Variants in EDIL3 observed in about 807,000 individuals in gnomAD.
The protein encoded by EDIL3 is EGF like and discoidin domains 3.
Under a neutral mutation model 67.4 loss-of-function variants are expected in EDIL3, and 37 were observed. The ratio of observed to expected loss-of-function variants is 0.55; its 90% CI spans 0.42 to 0.72. The LOEUF (loss-of-function observed/expected upper bound fraction) is 0.72. Among genes scored for constraint, EDIL3 ranks in the 30% least tolerant of loss-of-function variants. The probability of loss-of-function intolerance (pLI) is 0.00; values close to 1 mark genes in which losing one functional copy is unlikely to be tolerated. For missense variants in EDIL3, 527 were observed against 586.3 expected, an observed-to-expected ratio of 0.90 and a Z score of 1.04; for synonymous variants, 195 against 196.3, an observed-to-expected ratio of 0.99 and a Z score of 0.05.
At chr5:84,025,694 A>T (rs1361473794) in intron 9 of EDIL3, among the ~76,000 whole-genome samples, 2 of 152,166 alleles carry the variant, frequency 1.3e-5, no homozygotes, top group African/African-American at 4.8e-5. Context: ...GAAGTCATGC[A>T]CTTGCCAACA....
intron 1 of EDIL3, among the ~76,000 whole-genome samples, chr5:84,364,909 G>C (rs1747694522): frequency 6.6e-6 from 1 of 151,732 alleles, no homozygotes; most frequent in Non-Finnish European, 1.5e-5. Flanking sequence ...TTTTTGGTCT[G>C]TTCTTTGGGA....
chr5:84,167,590 T>A (rs1748731877), intron 4 of EDIL3, among the ~76,000 whole-genome samples: 1 of 152,196 alleles, frequency 6.6e-6, no homozygotes, highest in African/African-American at 2.4e-5. Flanking sequence ...ATAAGTATTC[T>A]GAAAACCAAT....
chr5:84,339,410 C>T (rs567285346), intron 1 of EDIL3, among the ~76,000 whole-genome samples: 4 of 152,210 alleles, frequency 2.6e-5, no homozygotes, highest in African/African-American at 9.6e-5. Context: ...ACTTTTATCT[C>T]CTTTAACCTC....
intron 5 of EDIL3, among the ~76,000 whole-genome samples, chr5:84,117,020 A>AATTTTTT (rs71605897): frequency 1.6e-4 from 13 of 83,244 alleles, no homozygotes; most frequent in African/African-American, 6.1e-4. Context: ...TTAAGTACTT[A>AATTTTTT]TTTTTTTTTT....
chr5:84,112,281 A>C (rs754440019), intron 5 of EDIL3, among the ~76,000 whole-genome samples: 1 of 152,176 alleles, frequency 6.6e-6, no homozygotes. Context: ...ACAGTTGTCC[A>C]TGTGAAAAAT....
At chr5:84,165,533 G>A (rs745677088) in intron 4 of EDIL3, among the ~76,000 whole-genome samples, 34 of 152,150 alleles carry the variant, frequency 2.2e-4, no homozygotes, top group Non-Finnish European at 4.6e-4. Context: ...TGCCTAGGCT[G>A]TGAGAATGTA....
intron 2 of EDIL3, among the ~76,000 whole-genome samples, chr5:84,245,384 A>G (rs1744888877): frequency 6.6e-6 from 1 of 152,224 alleles, no homozygotes. Flanking sequence ...GCATAAGTCC[A>G]TTAAGCTTCC....
At chr5:83,971,869 C>T (rs13170552) in intron 9 of EDIL3, among the ~76,000 whole-genome samples, 7,441 of 152,186 alleles carry the variant, frequency 0.049, 249 homozygotes, top group Non-Finnish European at 0.071. Flanking sequence ...CTCTCCTCCT[C>T]TTGCTGTTTT....
chr5:83,969,302 T>G (rs1169385489), intron 9 of EDIL3, among the ~76,000 whole-genome samples: 1 of 151,746 alleles, frequency 6.6e-6, no homozygotes, highest in Non-Finnish European at 1.5e-5. Context: ...ACAATCATAG[T>G]CCTTTCATCC....
chr5:84,350,918 C>A (rs1485618121), intron 1 of EDIL3, among the ~76,000 whole-genome samples: 2 of 151,960 alleles, frequency 1.3e-5, no homozygotes, highest in Admixed American at 6.6e-5. Context: ...AAACATTTAA[C>A]CAATATGTAA....
chr5:84,138,596 T>C (rs899656855), intron 4 of EDIL3, among the ~76,000 whole-genome samples: 1 of 152,230 alleles, frequency 6.6e-6, no homozygotes, highest in African/African-American at 2.4e-5. Context: ...AAGAAGATCA[T>C]TAAATTACTT....
intron 5 of EDIL3, among the ~76,000 whole-genome samples, chr5:84,109,873 T>C (rs1217020380): frequency 6.6e-6 from 1 of 152,292 alleles, no homozygotes; most frequent in East Asian, 1.9e-4. Flanking sequence ...TGCATTTTCC[T>C]ACTTTTTAAA....
chr5:84,286,249 C>G (rs569451999), intron 1 of EDIL3, among the ~76,000 whole-genome samples: 33 of 152,166 alleles, frequency 2.2e-4, no homozygotes, highest in African/African-American at 7.7e-4. Flanking sequence ...CCAATGTGTG[C>G]TTTAGCTTGC....
chr5:84,384,607 A>T lies in EDIL3; in HGVS notation c.-233T>A. 5.8e-6 allele frequency: 2 copies of T among 343,476 alleles called. No individual in the cohort carries two copies. Among genetic ancestry groups the T allele is most frequent in the Non-Finnish European group, 1.0e-5 (2 of 191,998 alleles). 21.3% of individuals were successfully genotyped at this position (343,476 alleles called of 1,614,324 possible). On this transcript the variant is annotated 5_prime_UTR_variant, in exon 1 of 11. Transcript: ENST00000296591. Reference sequence around the variant, plus strand: ...GCGCTCCGGCGCGCGGAGGTGGGTGAGCTCCGGGGAGCCGCCGGCGGGCTC... The same window carrying T: ...GCGCTCCGGCGCGCGGAGGTGGGTGTGCTCCGGGGAGCCGCCGGCGGGCTC...
intron 9 of EDIL3, 82 bp downstream of exon 9, chr5:84,060,218 G>A (rs73769713): frequency 9.4e-6 from 14 of 1,495,912 alleles, no homozygotes; most frequent in Middle Eastern, 2.5e-4. Context: ...TGAAGGTAAC[G>A]ACTCTGACAC....
chr5:84,134,020 C>CATTGTT (rs144796309), intron 5 of EDIL3, among the ~76,000 whole-genome samples: 8,159 of 151,860 alleles, frequency 0.054, 523 homozygotes, highest in African/African-American at 0.14. Flanking sequence ...GAAATAATTT[C>CATTGTT]ATTGTTATTG....
At chr5:84,168,702 T>C (rs1748756774) in intron 4 of EDIL3, among the ~76,000 whole-genome samples, 1 of 152,202 alleles carries the variant, frequency 6.6e-6, no homozygotes, top group Non-Finnish European at 1.5e-5. Flanking sequence ...TATACGAACA[T>C]TGTTCAACTC....
rs149201032 is a variant in EDIL3, at chr5:84,354,068, T to A, written c.67+30240A>T. Among the ~76,000 whole-genome samples the A allele has an allele frequency of 4.2e-3, 639 of 152,308 alleles. 3 individuals are homozygous for A. The highest frequency in any genetic ancestry group is 0.014 in the African/African-American group (593 of 41,568). Reference sequence around the variant, plus strand: ...AAAACAAATACTTATGTAATAAGAATCTTGTAGATAAATCACTTGCGAACC... The same window carrying A: ...AAAACAAATACTTATGTAATAAGAAACTTGTAGATAAATCACTTGCGAACC... On this transcript the variant is annotated intron_variant, in intron 1 of 10. Coordinates refer to ENST00000296591, the MANE Select transcript of EDIL3 (RefSeq NM_005711.5).
intron 1 of EDIL3, among the ~76,000 whole-genome samples, chr5:84,312,513 A>G (rs1746424919): frequency 8.5e-6 from 1 of 118,186 alleles, no homozygotes; most frequent in African/African-American, 3.3e-5. Context: ...CAGGGGGCTG[A>G]CCCCCCCACC....
Sources: gnomAD v4.1 joint callset for allele counts (sites outside exome capture counted in the v4.1 genomes callset) on GRCh38, gnomAD v4.1.1 for gene constraint, MANE v1.5 for transcripts, NCBI Gene and HGNC (gene_info 2026-07-23, HGNC 2026-07-21) for gene names.